The following DIDO1 variants were observed in gnomAD, a reference collection of about 807,000 sequenced individuals.
DIDO1 encodes death-inducer obliterator 1.
DIDO1 carries 16 observed loss-of-function variants against 99.4 expected under a neutral mutation model. The observed-to-expected ratio is 0.16, with a 90% CI of 0.11 to 0.24. DIDO1 has a LOEUF of 0.24. Among genes scored for constraint, DIDO1 ranks in the 10% least tolerant of loss-of-function variants. The probability of loss-of-function intolerance (pLI) is 1.00; values close to 1 mark genes in which losing one functional copy is unlikely to be tolerated. For missense variants in DIDO1, 2,996 were observed against 3,014.0 expected (o/e 0.99, Z 0.14); for synonymous variants, 1,366 against 1,239.1 (o/e 1.10, Z -2.15).
Position 62,879,856 on chromosome 20 carries a change from G to T in DIDO1, c.6100C>A (p.Pro2034Thr), listed in dbSNP as rs771030111. The T allele has an allele frequency of 1.9e-6, 3 of 1,596,902 alleles. No individual in the cohort carries two copies. Among genetic ancestry groups the T allele is most frequent in the South Asian group, 1.1e-5 (1 of 89,618 alleles). ...TCCCAGCGGTCCTTCCGGTGCTGCG[G>T]GGGGTGGCTGGGAAGCTCCAGCAGG... ...RPLLELPSHP[P>T]QHRKDRWEEA... Residue 2034 changes from proline to threonine, a missense_variant, in exon 16 of 16, where the codon CCG becomes ACG. Physicochemically the swap from Pro to Thr is conservative, Grantham distance 38. Coordinates refer to ENST00000395343, the MANE Select transcript of DIDO1 (RefSeq NM_001193369.2). The surrounding 1 kb of genome is among the most constrained non-coding windows in gnomAD (Gnocchi z 6.3).
At position 62,877,799 on chromosome 20, in the gene DIDO1, C is replaced by T. The variant is rs896255796; in HGVS notation, c.*1434G>A. On this transcript the variant is annotated 3_prime_UTR_variant, in exon 16 of 16. Coordinates refer to ENST00000395343, the MANE Select transcript of DIDO1 (RefSeq NM_001193369.2). ...CAAAACCTAGGTCGTTCCATGTTCT[C>T]ATGTACAGTGATATAAGCCTCCGCA... 6.6e-6 allele frequency: 1 copy of T among 152,204 alleles called. No individual in the cohort carries two copies. Among genetic ancestry groups the T allele is most frequent in the African/African-American group, 2.4e-5 (1 of 41,454 alleles). 9.4% of individuals were successfully genotyped at this position (152,204 alleles called of 1,614,324 possible).
upstream of DIDO1, among the ~76,000 whole-genome samples, chr20:62,930,881 C>A (rs182506904): frequency 2.4e-3 from 362 of 152,324 alleles, 1 homozygote; most frequent in Non-Finnish European, 4.5e-3. Context: ...GGAACTGAAT[C>A]TGGATGTTAT....
At chr20:62,887,129 C>T (rs1481223811) in intron 15 of DIDO1, 6 of 985,386 alleles carry the variant, frequency 6.1e-6, no homozygotes, top group African/African-American at 5.2e-5. Context: ...GGGTGCACTG[C>T]GCTGGCTTAT....
chr20:62,925,444 G>A (rs763817546), intron 1 of DIDO1, among the ~76,000 whole-genome samples: 13 of 152,160 alleles, frequency 8.5e-5, no homozygotes, highest in South Asian at 2.1e-4. Flanking sequence ...CCGAAAAGAC[G>A]TTCCCATCTG....
At chr20:62,900,702 T>G (rs1047649625) in intron 6 of DIDO1, among the ~76,000 whole-genome samples, 1 of 152,200 alleles carries the variant, frequency 6.6e-6, no homozygotes, top group African/African-American at 2.4e-5. Context: ...CGCCCTCACG[T>G]AGGTGTTGAC....
At chr20:62,937,793 G>A in intron 1 of DIDO1, 1 of 398,322 alleles carries the variant, frequency 2.5e-6, no homozygotes, top group Non-Finnish European at 4.4e-6. Flanking sequence ...AAAAAGCTGG[G>A]ACCTTCGCCT....
chr20:62,893,942 G>C lies in DIDO1; in HGVS notation c.2825C>G (p.Pro942Arg). The C allele has an allele frequency of 6.2e-7, 1 of 1,612,240 alleles. No homozygotes were observed. The highest frequency in any genetic ancestry group is 8.5e-7 in the Non-Finnish European group (1 of 1,178,530). The stretch of plus-strand genomic sequence containing the variant: ...TGGGCAGGGGGACAGGTCTTCCAGC[G>C]GGGAGGGCTCGGGATGGCCATCTCC... ...PPGDGHPEPS[P>R]LEDLSPCPAS... The change falls in exon 12 of 16, where the codon CCG becomes CGG. Residue 942 changes from proline (P) to arginine (R), a missense_variant. Pro to Arg is a moderately radical substitution (Grantham distance 103). Transcript: ENST00000395343.
chr20:62,905,509 A>T (rs950743265), intron 6 of DIDO1: 1 of 1,550,904 alleles, frequency 6.4e-7, no homozygotes, highest in East Asian at 2.4e-5. Context: ...TTGTCAGAAC[A>T]ACTCATGTGC....
chr20:62,879,167 A>G lies in DIDO1; in HGVS notation c.*66T>C. 7.3e-7 allele frequency: 1 copy of G among 1,371,844 alleles called. No homozygotes were observed. Among genetic ancestry groups the G allele is most frequent in the Non-Finnish European group, 9.5e-7 (1 of 1,052,162 alleles). 85.0% of individuals were successfully genotyped at this position (1,371,844 alleles called of 1,614,324 possible). ...TGAATCTAAGATCGTGGCTATTTCA[A>G]AAGCTATTTGTTCAACGCATCTTAC... is the stretch of plus-strand genomic sequence containing the variant. On this transcript the variant is annotated 3_prime_UTR_variant, in exon 16 of 16. Transcript: ENST00000395343. The surrounding 1 kb of genome is among the most constrained non-coding windows in gnomAD (Gnocchi z 6.3).
rs2064208724 is a variant in DIDO1, at chr20:62,881,652, T to C, written c.4304A>G (p.Glu1435Gly). Residue 1435 changes from glutamate (E) to glycine (G), a missense_variant, in exon 16 of 16, where the codon GAA (glutamate) becomes GGA (glycine). Physicochemically the swap from Glu to Gly is moderately conservative, Grantham distance 98 (BLOSUM62 -2). Transcript: ENST00000395343. This position sits in a 1 kb window ranked among gnomAD's most constrained non-coding sequence, Gnocchi z 8.3. ...AYDPEDETIL[E>G]EAKVTVDDLP... ...GTCATCAACAGTCACTTTCGCTTCT[T>C]CTAAGATGGTCTCATCCTCGGGGTC... is the stretch of plus-strand genomic sequence containing the variant. 3.1e-6 allele frequency: 5 copies of C among 1,612,742 alleles called. No homozygotes were observed. The highest frequency in any genetic ancestry group is 4.2e-6 in the Non-Finnish European group (5 of 1,180,014).
intron 8 of DIDO1, among the ~76,000 whole-genome samples, chr20:62,895,454 TCTG>T (rs1181011352): frequency 1.1e-5 from 1 of 90,566 alleles, no homozygotes; most frequent in Non-Finnish European, 1.9e-5. Context: ...CTGCACTGGC[TCTG>T]CTAAAAAAAA....
At chr20:62,905,359 C>G in intron 6 of DIDO1, 1 of 1,440,002 alleles carries the variant, frequency 6.9e-7, no homozygotes, top group Non-Finnish European at 9.1e-7. Flanking sequence ...AATCCCCTAT[C>G]TGCCCAGTCA....
At position 62,896,272 on chromosome 20, in the gene DIDO1, A is replaced by G. The variant is rs770986412; in HGVS notation, c.2175T>C (p.Tyr725=). The G allele has an allele frequency of 1.2e-6, 2 of 1,613,698 alleles. No individual in the cohort carries two copies. The highest frequency in any genetic ancestry group is 2.7e-5 in the African/African-American group (2 of 74,870). The part of the protein sequence containing the change: ...QVTDNRYKSK[Y]RSIMFNLKDP... ...CCTTCAGGTTGAACATGATGCTGCG[A>G]TATTTACTCTTGTAGCGATTATCTG... The change falls in exon 8 of 16, where the codon TAT becomes TAC. Residue 725 remains tyrosine, a synonymous_variant. Coordinates refer to ENST00000395343, the MANE Select transcript of DIDO1 (RefSeq NM_001193369.2). This position sits in a 1 kb window ranked among gnomAD's most constrained non-coding sequence, Gnocchi z 4.4.
At chr20:62,907,924 C>T (rs1028192397) in intron 4 of DIDO1, among the ~76,000 whole-genome samples, 6 of 152,180 alleles carry the variant, frequency 3.9e-5, no homozygotes, top group African/African-American at 1.4e-4. Context: ...ATCGGAATGT[C>T]AGATAAACAA....
intron 1 of DIDO1, among the ~76,000 whole-genome samples, chr20:62,921,272 T>C (rs1555851429): frequency 1.3e-5 from 2 of 152,188 alleles, no homozygotes; most frequent in Non-Finnish European, 2.9e-5. Context: ...TGACTATCAA[T>C]AGATATAACA....
intron 8 of DIDO1, 58 bp from the exon 9 acceptor site, chr20:62,895,223 G>C: frequency 6.7e-7 from 1 of 1,495,274 alleles, no homozygotes. Context: ...TCAATACAGA[G>C]AGCTTCTGGA....
At chr20:62,883,923 T>A (rs1444682000) in intron 15 of DIDO1, among the ~76,000 whole-genome samples, 1 of 152,194 alleles carries the variant, frequency 6.6e-6, no homozygotes, top group Non-Finnish European at 1.5e-5. Context: ...GGAGAACTGC[T>A]TGAACCTGGG....
At chr20:62,900,464 G>GA (rs1315465267) in intron 6 of DIDO1, among the ~76,000 whole-genome samples, 39 of 152,330 alleles carry the variant, frequency 2.6e-4, no homozygotes, top group African/African-American at 8.7e-4. Flanking sequence ...ACGGGGAGGA[G>GA]AAAATCAGGC....
rs1244175668 is a variant in DIDO1, at chr20:62,879,310, T to A, written c.6646A>T (p.Lys2216Ter). 5 of 1,578,220 alleles carry A rather than the reference T, an allele frequency of 3.2e-6. No individual in the cohort carries two copies. The highest frequency in any genetic ancestry group is 4.3e-6 in the Non-Finnish European group (5 of 1,164,404). Residue 2216 changes from lysine to a stop codon, truncating the protein, a stop_gained, in exon 16 of 16, where the codon AAG becomes TAG. Coordinates refer to ENST00000395343, the MANE Select transcript of DIDO1 (RefSeq NM_001193369.2). LOFTEE classifies it low-confidence loss of function (END_TRUNC). This position sits in a 1 kb window ranked among gnomAD's most constrained non-coding sequence, Gnocchi z 6.3. ...GGGTCCCGAGCGCTCTCTTTGCTCT[T>A]GCTCCGGTCCTTGCGGTCGCGGCCC... The part of the protein sequence containing the change: ...ERGRDRKDRS[K>*]SKESARDPKP...
Sources: allele counts gnomAD v4.1 joint callset (sites outside exome capture counted in the v4.1 genomes callset), GRCh38; gene constraint gnomAD v4.1.1; non-coding constraint Gnocchi (gnomAD v3.1); transcripts MANE v1.5; gene names NCBI Gene and HGNC (gene_info 2026-07-23, HGNC 2026-07-21).